IL22RA2: variants seen among roughly 807,000 people sequenced by gnomAD.
IL22RA2 encodes the protein interleukin 22 receptor subunit alpha 2.
A neutral mutation model predicts 30.7 loss-of-function variants in IL22RA2; 39 were observed. The observed-to-expected ratio is 1.27, with a 90% CI of 0.98 to 1.66. The LOEUF is 1.66. IL22RA2 is among the 40% of genes most tolerant of loss of function. The pLI is 0.00. For missense variants in IL22RA2, 315 were observed against 312.7 expected, an observed-to-expected ratio of 1.01 and a Z score of -0.05; for synonymous variants, 103 against 105.0, an observed-to-expected ratio of 0.98 and a Z score of 0.11.
At chr6:137,162,534 G>A (rs1778542581) in intron 1 of IL22RA2, among the ~76,000 whole-genome samples, 1 of 152,208 alleles carries the variant, frequency 6.6e-6, no homozygotes. Flanking sequence ...CTCCTTTTGA[G>A]CTACATTAGA....
chr6:137,161,594 A>G, intron 2 of IL22RA2, 95 bp downstream of exon 2: 2 of 972,816 alleles, frequency 2.1e-6, no homozygotes, highest in South Asian at 1.4e-5. Flanking sequence ...CAGCCTTTAT[A>G]AAGTTCAAAA....
intron 3 of IL22RA2, 86 bp downstream of exon 3, chr6:137,158,261 A>AG (rs1441130767): frequency 3.9e-5 from 59 of 1,514,844 alleles, no homozygotes; most frequent in Non-Finnish European, 5.0e-5. Context: ...ACTGAAAAAA[A>AG]GCTCGGATCC....
At chr6:137,147,659 C>A in intron 6 of IL22RA2, 63 bp downstream of exon 6, 2 of 1,302,230 alleles carry the variant, frequency 1.5e-6, no homozygotes, top group Admixed American at 5.1e-5. Flanking sequence ...CTCATATGAC[C>A]ACAATATTGG....
chr6:137,158,397 A>G lies in IL22RA2; in HGVS notation c.147T>C (p.Pro49=), dbSNP rs574793113. Residue 49 remains proline (P), a synonymous_variant, in exon 3 of 7, where the codon CCT becomes CCC. Transcript: ENST00000296980. Reference sequence around the variant, plus strand: ...TGCTGTTGCCAGTAAGTGCCCTCCCAGGCTGCCATTGCAAAATGTTGTGAA... The same window carrying G: ...TGCTGTTGCCAGTAAGTGCCCTCCCGGGCTGCCATTGCAAAATGTTGTGAA... ...RNFHNILQWQ[P]GRALTGNSSV... is the part of the protein sequence containing the mutation. 1 of 1,614,206 alleles carries G rather than the reference A, an allele frequency of 6.2e-7. No homozygotes were observed. Among genetic ancestry groups the G allele is most frequent in the Non-Finnish European group, 8.5e-7 (1 of 1,180,004 alleles).
At chr6:137,159,376 AGTGGC>A (rs1778472971) in intron 2 of IL22RA2, among the ~76,000 whole-genome samples, 1 of 151,800 alleles carries the variant, frequency 6.6e-6, no homozygotes, top group Non-Finnish European at 1.5e-5. Flanking sequence ...GCTGGAGTGC[AGTGGC>A]GTGATCTCAG....
In IL22RA2 at chr6:137,170,311, AAAATC is replaced by A. The variant is rs566833667; in HGVS notation, c.-66+3097_-66+3101del. Among the ~76,000 whole-genome samples the A allele has an allele frequency of 3.9e-4, 60 of 152,334 alleles. 1 individual carries two copies. Among genetic ancestry groups the A allele is most frequent in the Admixed American group, 3.5e-3 (54 of 15,300 alleles). The stretch of plus-strand genomic sequence containing the variant: ...TAAGAGTAGTAGTAATACAAATTTT[AAAATC>A]CTTTTAAAGTTCCTGCAAAATGTGA... On this transcript the variant is annotated intron_variant, in intron 1 of 6. Coordinates refer to ENST00000296980, the MANE Select transcript of IL22RA2 (RefSeq NM_052962.3).
At chr6:137,159,002 T>C (rs946973033) in intron 2 of IL22RA2, among the ~76,000 whole-genome samples, 2 of 152,182 alleles carry the variant, frequency 1.3e-5, no homozygotes, top group African/African-American at 2.4e-5. Flanking sequence ...GCTGTCCCAC[T>C]CCTGAATGGC....
chr6:137,164,443 G>C (rs569234924), intron 1 of IL22RA2, among the ~76,000 whole-genome samples: 21 of 152,226 alleles, frequency 1.4e-4, no homozygotes, highest in African/African-American at 5.1e-4. Context: ...ACAAAACCAG[G>C]AACAATAGAA....
At position 137,145,680 on chromosome 6, in the gene IL22RA2, G is replaced by C; in HGVS notation, c.736C>G (p.Pro246Ala). 1 of 1,613,368 alleles carries C rather than the reference G, an allele frequency of 6.2e-7. No individual in the cohort carries two copies. The change falls in exon 7 of 7, where the codon CCC becomes GCC. Residue 246 changes from proline (P) to alanine (A), a missense_variant. Pro to Ala is a conservative substitution (Grantham distance 27). Coordinates refer to ENST00000296980, the MANE Select transcript of IL22RA2 (RefSeq NM_052962.3). Reference sequence around the variant, plus strand: ...CTCTGACTTCTTCTGTCTAACATGGGCTGATATATTTCAGCCACTACACAG... The same window carrying C: ...CTCTGACTTCTTCTGTCTAACATGGCCTGATATATTTCAGCCACTACACAG... ...SYCVVAEIYQ[P>A]MLDRRSQRSE... is the part of the protein sequence containing the mutation.
intron 5 of IL22RA2, among the ~76,000 whole-genome samples, chr6:137,151,777 T>C (rs1213309692): frequency 6.6e-6 from 1 of 152,172 alleles, no homozygotes; most frequent in Non-Finnish European, 1.5e-5. Context: ...AGGTACAAAA[T>C]AGCCAATAAG....
intron 1 of IL22RA2, among the ~76,000 whole-genome samples, chr6:137,164,889 G>T (rs1778598355): frequency 6.6e-6 from 1 of 152,196 alleles, no homozygotes; most frequent in African/African-American, 2.4e-5. Flanking sequence ...CTCCTATAGA[G>T]AGAAGCCTCA....
In IL22RA2 at chr6:137,158,400, C is replaced by T. The variant is rs1380243859; in HGVS notation, c.144G>A (p.Gln48=). 1.2e-6 allele frequency: 2 copies of T among 1,614,058 alleles called. No individual in the cohort carries two copies. The highest frequency in any genetic ancestry group is 1.7e-6 in the Non-Finnish European group (2 of 1,180,000). ...TGTTGCCAGTAAGTGCCCTCCCAGG[C>T]TGCCATTGCAAAATGTTGTGAAAAT... ...SRNFHNILQW[Q]PGRALTGNSS... Residue 48 remains glutamine (Q), a synonymous_variant, in exon 3 of 7, where the codon CAG becomes CAA. Transcript: ENST00000296980.
At chr6:137,156,588 C>A (rs1778412189) in intron 4 of IL22RA2, among the ~76,000 whole-genome samples, 171 bp downstream of exon 4, 1 of 152,088 alleles carries the variant, frequency 6.6e-6, no homozygotes. Flanking sequence ...CTGGATACAC[C>A]AAAGTGAAAG....
Position 137,151,937 on chromosome 6 carries a change from A to G in IL22RA2, c.472+3004T>C, listed in dbSNP as rs28741418. Among the ~76,000 whole-genome samples, 844 of 152,360 alleles carry G rather than the reference A, an allele frequency of 5.5e-3. 7 individuals carry two copies. The highest frequency in any genetic ancestry group is 0.019 in the African/African-American group (807 of 41,582). On this transcript the variant is annotated intron_variant, in intron 5 of 6. Coordinates refer to ENST00000296980, the MANE Select transcript of IL22RA2 (RefSeq NM_052962.3). ...AAAACTCTCATATATTGCTGATGGG[A>G]ATGTAAAATAGTGCAGATGCTTTGA...
chr6:137,159,603 G>T (rs536726249), intron 2 of IL22RA2, among the ~76,000 whole-genome samples: 33 of 152,128 alleles, frequency 2.2e-4, no homozygotes, highest in Non-Finnish European at 3.2e-4. Flanking sequence ...GATTACAGGC[G>T]TGAGCCACTG....
chr6:137,152,007 T>C (rs1778301786), intron 5 of IL22RA2, among the ~76,000 whole-genome samples: 1 of 152,192 alleles, frequency 6.6e-6, no homozygotes, highest in African/African-American at 2.4e-5. Flanking sequence ...AGAGTTACTA[T>C]GAGACCCAGC....
Position 137,156,833 on chromosome 6 carries a change from T to C in IL22RA2, c.219A>G (p.Lys73=), listed in dbSNP as rs1025994979. Residue 73 remains lysine (K), a synonymous_variant, in exon 4 of 7, where the codon AAA becomes AAG. Transcript: ENST00000296980. ...ATCCACTTGGCTTCTGGTGAGAGCT[T>C]TTCATGCTGCATGAGAACATGCTAG... ...QYKIMFSCSM[K]SSHQKPSGCW... 5 of 1,613,576 alleles carry C rather than the reference T, an allele frequency of 3.1e-6. No homozygotes were observed. Among genetic ancestry groups the C allele is most frequent in the African/African-American group, 1.3e-5 (1 of 74,914 alleles).
At position 137,145,481 on chromosome 6, in the gene IL22RA2, A is replaced by T; in HGVS notation, c.*143T>A. On this transcript the variant is annotated 3_prime_UTR_variant, in exon 7 of 7. Coordinates refer to ENST00000296980, the MANE Select transcript of IL22RA2 (RefSeq NM_052962.3). ...ATATAAAGGATAAAAGAATGGATAAACAAAGAAGTCCCCAAGGTGTAACAG... is the reference window on the plus strand; with the variant it reads ...ATATAAAGGATAAAAGAATGGATAATCAAAGAAGTCCCCAAGGTGTAACAG... 1.5e-6 allele frequency: 1 copy of T among 651,814 alleles called. No individual in the cohort carries two copies. Among genetic ancestry groups the T allele is most frequent in the East Asian group, 3.1e-5 (1 of 32,718 alleles). The allele number at this position is 651,814 out of a possible 1,614,324, so 40.4% of individuals were successfully genotyped here. A position where few individuals can be genotyped will look rare whatever the true frequency, so the allele number is the denominator to read the frequency against.
chr6:137,153,465 A>G (rs1778333390), intron 5 of IL22RA2, among the ~76,000 whole-genome samples: 1 of 152,184 alleles, frequency 6.6e-6, no homozygotes, highest in African/African-American at 2.4e-5. Context: ...CTAGGATACA[A>G]GAAGTAGAAG....
Sources: gnomAD v4.1 joint callset for allele counts (sites outside exome capture counted in the v4.1 genomes callset) on GRCh38, gnomAD v4.1.1 for gene constraint, MANE v1.5 for transcripts, NCBI Gene and HGNC (gene_info 2026-07-23, HGNC 2026-07-21) for gene names.